NUDC: variants seen among roughly 807,000 people sequenced by gnomAD.
NUDC encodes nuclear migration protein nudC.
In NUDC, 14 loss-of-function variants were observed where a neutral mutation model predicts 45.0. The observed-to-expected ratio is 0.31, with a 90% CI of 0.21 to 0.49. NUDC has a LOEUF of 0.49. Among genes scored for constraint, NUDC ranks in the 20% least tolerant of loss-of-function variants. NUDC has a pLI of 0.99. For synonymous variants in NUDC, 153 were observed against 156.7 expected, an observed-to-expected ratio of 0.98 and a Z score of 0.17; for missense variants, 323 against 426.2, an observed-to-expected ratio of 0.76 and a Z score of 2.13.
chr1:26,927,736 T>C (rs1188530983), intron 2 of NUDC, among the ~76,000 whole-genome samples: 1 of 151,990 alleles, frequency 6.6e-6, no homozygotes, highest in Non-Finnish European at 1.5e-5. Context: ...GTCCTTACCT[T>C]ACAAGGATGT....
intron 2 of NUDC, among the ~76,000 whole-genome samples, chr1:26,907,507 T>A (rs942953250): frequency 6.6e-6 from 1 of 152,134 alleles, no homozygotes; most frequent in Admixed American, 6.5e-5. Flanking sequence ...AATTAATGGA[T>A]GGATAGTGGG....
intron 3 of NUDC, among the ~76,000 whole-genome samples, chr1:26,914,361 A>G (rs1203759526): frequency 6.6e-6 from 1 of 152,218 alleles, no homozygotes; most frequent in Non-Finnish European, 1.5e-5. Context: ...TTGCTAAGCC[A>G]GGAAGCCAGC....
intron 1 of NUDC, among the ~76,000 whole-genome samples, chr1:26,901,788 G>C (rs561745150): frequency 6.6e-6 from 1 of 152,060 alleles, no homozygotes; most frequent in Non-Finnish European, 1.5e-5. Flanking sequence ...ACATTATACT[G>C]GGTGATAGGA....
chr1:26,945,058 T>C (rs958589967), intron 6 of NUDC: 5 of 357,432 alleles, frequency 1.4e-5, no homozygotes, highest in African/African-American at 1.0e-4. Context: ...ATATATATAT[T>C]TATTTTCTTC....
At chr1:26,926,022 T>G (rs1483598328) in intron 2 of NUDC, among the ~76,000 whole-genome samples, 1 of 136,664 alleles carries the variant, frequency 7.3e-6, no homozygotes, top group Non-Finnish European at 1.7e-5. Flanking sequence ...ATGCCCAGCC[T>G]TTTTTTTTTT....
upstream of NUDC, among the ~76,000 whole-genome samples, chr1:26,919,285 G>A (rs2082077201): frequency 6.6e-6 from 1 of 151,980 alleles, no homozygotes; most frequent in Non-Finnish European, 1.5e-5. Context: ...TAGGGTACAT[G>A]TGCACAACGT....
chr1:26,935,530 A>AATC (rs1265596382), intron 2 of NUDC, among the ~76,000 whole-genome samples: 1 of 151,632 alleles, frequency 6.6e-6, no homozygotes, highest in African/African-American at 2.4e-5. Flanking sequence ...CCCCTTGTAA[A>AATC]ATCATCAGAT....
chr1:26,929,423 A>G (rs1400392716), intron 2 of NUDC, among the ~76,000 whole-genome samples: 1 of 152,072 alleles, frequency 6.6e-6, no homozygotes, highest in Non-Finnish European at 1.5e-5. Context: ...CAAAAAAAAA[A>G]AACAAATTAA....
chr1:26,916,909 C>T (rs2082064486), upstream of NUDC, among the ~76,000 whole-genome samples: 2 of 152,172 alleles, frequency 1.3e-5, no homozygotes, highest in South Asian at 4.1e-4. Flanking sequence ...GAGCTGTGAT[C>T]ATGCCACTGC....
chr1:26,916,754 AAGACC>A (rs2082063784), upstream of NUDC, among the ~76,000 whole-genome samples: 1 of 152,172 alleles, frequency 6.6e-6, no homozygotes, highest in Non-Finnish European at 1.5e-5. Context: ...CCAGGAGCTC[AAGACC>A]AGCTTGGAAA....
At chr1:26,926,935 C>T (rs1456201526) in intron 2 of NUDC, among the ~76,000 whole-genome samples, 3 of 152,112 alleles carry the variant, frequency 2.0e-5, no homozygotes, top group Non-Finnish European at 4.4e-5. Flanking sequence ...ACACTTAACA[C>T]TTTGGATTAT....
chr1:26,912,641 C>T (rs1053289650), intron 3 of NUDC, among the ~76,000 whole-genome samples: 5 of 152,134 alleles, frequency 3.3e-5, no homozygotes, highest in African/African-American at 9.7e-5. Flanking sequence ...CTCCATCTGC[C>T]GCTCTCCTGG....
intron 2 of NUDC, chr1:26,911,016 C>A: frequency 2.4e-6 from 1 of 413,778 alleles, no homozygotes; most frequent in South Asian, 1.8e-5. Flanking sequence ...TCCTGGTGGT[C>A]CAGCTAAACC....
At chr1:26,944,318 C>T (rs2082302286) in intron 6 of NUDC, among the ~76,000 whole-genome samples, 1 of 152,160 alleles carries the variant, frequency 6.6e-6, no homozygotes, top group African/African-American at 2.4e-5. Context: ...AAACGACCCT[C>T]CCACCTCAGC....
At chr1:26,921,561 G>GC (rs1233245259), upstream of NUDC, among the ~76,000 whole-genome samples, 6 of 152,192 alleles carry the variant, frequency 3.9e-5, no homozygotes, top group Non-Finnish European at 5.9e-5. Context: ...AAACTCTCGG[G>GC]CCCACGGCTC....
chr1:26,944,077 G>A (rs2082300219), intron 6 of NUDC, among the ~76,000 whole-genome samples: 4 of 151,534 alleles, frequency 2.6e-5, no homozygotes, highest in Admixed American at 2.6e-4. Flanking sequence ...CTATTTTTTA[G>A]TAGAGACAGG....
At chr1:26,919,290 C>T (rs889393652), upstream of NUDC, among the ~76,000 whole-genome samples, 8 of 152,038 alleles carry the variant, frequency 5.3e-5, no homozygotes, top group Non-Finnish European at 1.2e-4. Flanking sequence ...TACATGTGCA[C>T]AACGTGCAGG....
At chr1:26,937,170 G>A (rs1041224260) in intron 2 of NUDC, among the ~76,000 whole-genome samples, 6 of 152,122 alleles carry the variant, frequency 3.9e-5, no homozygotes, top group Admixed American at 2.0e-4. Context: ...CTAGGTATGG[G>A]GGTGGGGCCT....
At chr1:26,903,384 A>G (rs2081988604) in intron 2 of NUDC, among the ~76,000 whole-genome samples, 1 of 152,242 alleles carries the variant, frequency 6.6e-6, no homozygotes, top group South Asian at 2.1e-4. Flanking sequence ...TTCAAAGTTA[A>G]TGGTAATAAT....
Sources: allele counts gnomAD v4.1 joint callset (sites outside exome capture counted in the v4.1 genomes callset), GRCh38; gene constraint gnomAD v4.1.1; transcripts MANE v1.5; gene names NCBI Gene and HGNC (gene_info 2026-07-23, HGNC 2026-07-21).